The following ACOXL variants were observed in gnomAD, a reference collection of about 807,000 sequenced individuals.
The protein encoded by ACOXL is acyl-CoA oxidase like, also known as acyl-coenzyme A oxidase-like protein.
In ACOXL, 70 loss-of-function variants were observed where a neutral mutation model predicts 71.9. That is an observed-to-expected ratio of 0.97 (90% CI 0.80 to 1.19). The LOEUF is 1.19. ACOXL is among the 50% of genes most tolerant of loss of function. The probability of loss-of-function intolerance (pLI) is 0.00; values close to 1 mark genes in which losing one functional copy is unlikely to be tolerated. For missense variants in ACOXL, 703 were observed against 736.3 expected (o/e 0.95, Z 0.52); for synonymous variants, 253 against 281.6 (o/e 0.90, Z 1.02).
intron 9 of ACOXL, among the ~76,000 whole-genome samples, chr2:110,838,632 C>T (rs984202904): frequency 6.6e-6 from 1 of 152,210 alleles, no homozygotes; most frequent in African/African-American, 2.4e-5. Flanking sequence ...AAGCTTCTTA[C>T]ACAGCTCATT....
At chr2:110,892,194 G>A (rs11688375) in intron 10 of ACOXL, among the ~76,000 whole-genome samples, 3,233 of 152,202 alleles carry the variant, frequency 0.021, 47 homozygotes, top group South Asian at 0.04. Context: ...AATGAAATGG[G>A]CTTATCATAA....
chr2:110,734,350 A>G (rs1047584494), intron 1 of ACOXL, among the ~76,000 whole-genome samples: 30 of 151,704 alleles, frequency 2.0e-4, no homozygotes, highest in African/African-American at 6.8e-4. Flanking sequence ...GCTCACTGCA[A>G]CCTCCACCTC....
rs2068606589 is a variant in ACOXL at position 111,092,876 on chromosome 2, GTA to G, written c.1454_1455del (p.Tyr485TrpfsTer16). 1 of 1,613,378 alleles carries G rather than the reference GTA, an allele frequency of 6.2e-7. No homozygotes were observed. Among genetic ancestry groups the G allele is most frequent in the African/African-American group, 1.3e-5 (1 of 74,792 alleles). Reference protein sequence around the residue: ...QTLLMKFCLLYGTKLVFQERA... With the variant: ...QTLLMKFCLLXGTKLVFQERA... ...CCCCCACCCCTTAGTTTTGTCTGTT[GTA>G]TGGAACCAAGCTGGTGTTTCAGGAG... On this transcript the variant is annotated frameshift_variant, in exon 17 of 18. Coordinates refer to ENST00000439055, the MANE Select transcript of ACOXL (RefSeq NM_001142807.4). LOFTEE classifies it high-confidence loss of function.
chr2:110,805,855 C>T (rs1686574267), intron 9 of ACOXL, among the ~76,000 whole-genome samples: 1 of 152,314 alleles, frequency 6.6e-6, no homozygotes, highest in South Asian at 2.1e-4. Context: ...CTCCAGGAGC[C>T]ATCTCTGCCT....
chr2:111,088,201 T>C (rs559282443), intron 16 of ACOXL, among the ~76,000 whole-genome samples: 7 of 152,218 alleles, frequency 4.6e-5, no homozygotes, highest in Non-Finnish European at 8.8e-5. Context: ...GGTGGGAGTG[T>C]AAATTAGTTC....
intron 12 of ACOXL, among the ~76,000 whole-genome samples, chr2:110,958,081 G>A (rs1170569846): frequency 6.6e-6 from 1 of 150,946 alleles, no homozygotes; most frequent in African/African-American, 2.4e-5. Flanking sequence ...AATTTTGAGA[G>A]GACACAATGA....
At chr2:110,814,224 C>T (rs1458506521) in intron 9 of ACOXL, among the ~76,000 whole-genome samples, 2 of 152,190 alleles carry the variant, frequency 1.3e-5, no homozygotes, top group Admixed American at 6.5e-5. Context: ...GCCTCCTTCT[C>T]CACTGTGACC....
intron 1 of ACOXL, among the ~76,000 whole-genome samples, chr2:110,751,261 A>C (rs954710172): frequency 1.3e-5 from 2 of 148,734 alleles, no homozygotes; most frequent in African/African-American, 5.0e-5. Flanking sequence ...AGATCGTGCC[A>C]CTGCACTCCA....
At chr2:110,958,409 G>A (rs1328806181) in intron 12 of ACOXL, among the ~76,000 whole-genome samples, 3 of 152,178 alleles carry the variant, frequency 2.0e-5, no homozygotes, top group Non-Finnish European at 4.4e-5. Context: ...TGGAAGAACC[G>A]CTATTGGTTC....
intron 10 of ACOXL, among the ~76,000 whole-genome samples, chr2:110,864,695 A>C (rs1170224016): frequency 2.0e-5 from 3 of 152,252 alleles, no homozygotes; most frequent in Non-Finnish European, 4.4e-5. Context: ...TGCCTCCAAG[A>C]TTCAGCCTTG....
intron 1 of ACOXL, among the ~76,000 whole-genome samples, chr2:110,743,615 G>A (rs1677809686): frequency 6.6e-6 from 1 of 152,300 alleles, no homozygotes; most frequent in East Asian, 1.9e-4. Flanking sequence ...TGGGACACGG[G>A]ATCCTCGATT....
chr2:110,815,499 T>G (rs1161920935), intron 9 of ACOXL, among the ~76,000 whole-genome samples: 2 of 152,270 alleles, frequency 1.3e-5, no homozygotes, highest in Non-Finnish European at 2.9e-5. Context: ...TGAGGTGCCT[T>G]GAAAACTTCA....
At position 111,088,901 on chromosome 2, in the gene ACOXL, G is replaced by T. The variant is rs573310590; in HGVS notation, c.1441-3964G>T. Among the ~76,000 whole-genome samples, 77 of 152,210 alleles carry T rather than the reference G, an allele frequency of 5.1e-4. No homozygotes were observed. The South Asian group carries it at 9.8e-3, about 19-fold the overall frequency. Reference sequence around the variant, plus strand: ...ATAGTTTATGTACAAATAGAAAAGGGACCATCACTAGAAGGCTGCCTAGTT... The same window carrying T: ...ATAGTTTATGTACAAATAGAAAAGGTACCATCACTAGAAGGCTGCCTAGTT... On this transcript the variant is annotated intron_variant, in intron 16 of 17. Transcript: ENST00000439055.
chr2:111,071,093 C>T (rs1057119762), intron 16 of ACOXL, among the ~76,000 whole-genome samples: 2 of 152,160 alleles, frequency 1.3e-5, no homozygotes, highest in Non-Finnish European at 2.9e-5. Flanking sequence ...ATCCAGCTGC[C>T]ACTGCCTGTC....
chr2:110,961,823 G>C (rs1444694387), intron 12 of ACOXL, among the ~76,000 whole-genome samples: 2 of 152,170 alleles, frequency 1.3e-5, no homozygotes, highest in East Asian at 3.9e-4. Context: ...GCAGGCAAGA[G>C]GGCACGTGCA....
At chr2:111,020,884 GTCTT>G (rs1456207970) in intron 14 of ACOXL, among the ~76,000 whole-genome samples, 4 of 152,234 alleles carry the variant, frequency 2.6e-5, no homozygotes, top group Non-Finnish European at 5.9e-5. Context: ...AAAGCAGAAT[GTCTT>G]TCTTACACAG....
intron 10 of ACOXL, among the ~76,000 whole-genome samples, chr2:110,894,911 A>G (rs1488224132): frequency 6.6e-6 from 1 of 152,180 alleles, no homozygotes; most frequent in African/African-American, 2.4e-5. Context: ...CCTGTCAGTA[A>G]TGACTCCTTT....
chr2:110,970,443 C>A (rs940580186), intron 12 of ACOXL, among the ~76,000 whole-genome samples: 5 of 152,162 alleles, frequency 3.3e-5, no homozygotes, highest in African/African-American at 9.7e-5. Context: ...GTCCAACAAC[C>A]ATTCATGATA....
chr2:110,952,111 T>C (rs932495876), intron 12 of ACOXL, among the ~76,000 whole-genome samples: 17 of 152,340 alleles, frequency 1.1e-4, no homozygotes, highest in Admixed American at 7.2e-4. Flanking sequence ...AAACAGACCT[T>C]GTGGTTTCTT....
Sources: gnomAD v4.1 joint callset for allele counts (sites outside exome capture counted in the v4.1 genomes callset) on GRCh38, gnomAD v4.1.1 for gene constraint, MANE v1.5 for transcripts, NCBI Gene and HGNC (gene_info 2026-07-23, HGNC 2026-07-21) for gene names.